The following ARIH2 variants were observed in gnomAD, a reference collection of about 807,000 sequenced individuals.
ARIH2 encodes ariadne RBR E3 ubiquitin protein ligase 2, also known as E3 ubiquitin-protein ligase ARIH2.
ARIH2 carries 12 observed loss-of-function variants against 79.8 expected under a neutral mutation model. That is an observed-to-expected ratio of 0.15 (90% confidence interval 0.10 to 0.24). The LOEUF is 0.24. Among genes scored for constraint, ARIH2 ranks in the 10% least tolerant of loss-of-function variants. The probability of loss-of-function intolerance (pLI) is 1.00; values close to 1 mark genes in which losing one functional copy is unlikely to be tolerated. For synonymous variants in ARIH2, 224 were observed against 213.9 expected (o/e 1.05, Z -0.41); for missense variants, 301 against 618.3 (o/e 0.49, Z 5.44).
chr3:48,949,828 T>A (rs971140836), intron 3 of ARIH2, among the ~76,000 whole-genome samples: 1 of 152,100 alleles, frequency 6.6e-6, no homozygotes, highest in Non-Finnish European at 1.5e-5. Flanking sequence ...CTTTTTTTTT[T>A]AATCTTTTTT....
intron 3 of ARIH2, among the ~76,000 whole-genome samples, chr3:48,941,312 G>A (rs2088179419): frequency 6.6e-6 from 1 of 152,154 alleles, no homozygotes; most frequent in African/African-American, 2.4e-5. Flanking sequence ...AAAAGTAACT[G>A]ATGGAGGAAC....
chr3:48,919,110 G>A, intron 1 of ARIH2, 112 bp downstream of exon 1: 4 of 1,283,112 alleles, frequency 3.1e-6, no homozygotes, highest in African/African-American at 1.5e-5. Context: ...TCGCCCGGGA[G>A]GCCCGGGCGC....
At position 48,961,685 on chromosome 3, in the gene ARIH2, G is replaced by A. The variant is rs1231704070; in HGVS notation, c.323+6G>A. 1 of 1,595,174 alleles carries A rather than the reference G, an allele frequency of 6.3e-7. No homozygotes were observed. Among genetic ancestry groups the A allele is most frequent in the Non-Finnish European group, 8.6e-7 (1 of 1,163,154 alleles). On this transcript the variant is annotated splice_donor_region_variant and intron_variant, in intron 4 of 15. Transcript: ENST00000356401. ...GTTTCAGAGATATTGGACAGGTAAG[G>A]TATTTGGGGGAGGAGAGAGAACATT... is the stretch of plus-strand genomic sequence containing the variant.
At chr3:48,954,956 G>A (rs751852383) in intron 3 of ARIH2, among the ~76,000 whole-genome samples, 2 of 152,188 alleles carry the variant, frequency 1.3e-5, no homozygotes, top group African/African-American at 4.8e-5. Flanking sequence ...CCCACACTTT[G>A]GGAGGCCGAG....
chr3:48,927,645 AGAC>A lies in ARIH2; in HGVS notation c.91_93del (p.Asp31del). 1 of 1,613,668 alleles carries A rather than the reference AGAC, an allele frequency of 6.2e-7. No individual in the cohort carries two copies. Among genetic ancestry groups the A allele is most frequent in the South Asian group, 1.1e-5 (1 of 91,044 alleles). On this transcript the variant is annotated inframe_deletion, in exon 3 of 16. Coordinates refer to ENST00000356401, the MANE Select transcript of ARIH2 (RefSeq NM_006321.4). Reference sequence around the variant, plus strand: ...GTGAGGAAGAGGAAGAAGAAGAAGAAGACGACCCTGGGGACATAGAGGACTATT... The same window carrying A: ...GTGAGGAAGAGGAAGAAGAAGAAGAAGACCCTGGGGACATAGAGGACTATT...
intron 1 of ARIH2, chr3:48,921,577 G>A (rs1379084019): frequency 1.3e-5 from 2 of 151,660 alleles, no homozygotes; most frequent in African/African-American, 4.9e-5. Context: ...GGGATTACAG[G>A]TATGCGCCAC....
chr3:48,972,846 C>T (rs934172004), intron 8 of ARIH2, among the ~76,000 whole-genome samples: 4 of 152,104 alleles, frequency 2.6e-5, no homozygotes, highest in Non-Finnish European at 4.4e-5. Context: ...TCTCTAGTAG[C>T]TGGGACTACA....
intron 3 of ARIH2, among the ~76,000 whole-genome samples, chr3:48,946,741 C>G (rs545961767): frequency 1.3e-5 from 2 of 152,156 alleles, no homozygotes; most frequent in African/African-American, 4.8e-5. Context: ...TAGCGTCTAA[C>G]CCATTGTGGT....
intron 2 of ARIH2, among the ~76,000 whole-genome samples, chr3:48,923,123 C>T (rs957159076): frequency 4.0e-5 from 6 of 151,304 alleles, no homozygotes; most frequent in African/African-American, 1.2e-4. Flanking sequence ...AGGAGAATGG[C>T]GTGAACCCGG....
chr3:48,923,218 A>AT (rs2085069367), intron 2 of ARIH2, among the ~76,000 whole-genome samples: 1 of 151,874 alleles, frequency 6.6e-6, no homozygotes, highest in African/African-American at 2.4e-5. Flanking sequence ...AAAAAAAAAA[A>AT]GAAACCTTAT....
At chr3:48,949,270 G>GT (rs2089639765) in intron 3 of ARIH2, among the ~76,000 whole-genome samples, 1 of 152,070 alleles carries the variant, frequency 6.6e-6, no homozygotes, top group Admixed American at 6.6e-5. Flanking sequence ...GGCGCCCGCC[G>GT]TGACGCCCGG....
intron 8 of ARIH2, 168 bp from the exon 9 acceptor site, chr3:48,973,531 C>T (rs2092352782): frequency 2.1e-6 from 1 of 485,034 alleles, no homozygotes; most frequent in African/African-American, 2.0e-5. Flanking sequence ...GAACCGAGAT[C>T]ACGCCACTAC....
At chr3:48,979,795 T>C (rs1319794414) in intron 12 of ARIH2, 162 bp downstream of exon 12, 8 of 728,088 alleles carry the variant, frequency 1.1e-5, no homozygotes, top group Non-Finnish European at 1.8e-5. Context: ...AGATGTGCCT[T>C]TCAAGCTCTA....
intron 3 of ARIH2, among the ~76,000 whole-genome samples, chr3:48,943,892 G>A (rs190643264): frequency 1.1e-4 from 16 of 152,272 alleles, no homozygotes; most frequent in African/African-American, 3.8e-4. Flanking sequence ...CAGTAGCTGA[G>A]ACATAGCATT....
At chr3:48,966,829 C>T (rs1341719831) in intron 5 of ARIH2, among the ~76,000 whole-genome samples, 2 of 152,182 alleles carry the variant, frequency 1.3e-5, no homozygotes, top group East Asian at 3.8e-4. Context: ...TTCTGAAACC[C>T]TGAGTTTTTC....
At chr3:48,952,496 C>T (rs1576348066) in intron 3 of ARIH2, among the ~76,000 whole-genome samples, 1 of 152,232 alleles carries the variant, frequency 6.6e-6, no homozygotes, top group Non-Finnish European at 1.5e-5. Context: ...GGAAGCTCAT[C>T]CTGAGGATGA....
intron 2 of ARIH2, among the ~76,000 whole-genome samples, chr3:48,926,329 G>A (rs966311317): frequency 1.1e-4 from 16 of 151,982 alleles, no homozygotes; most frequent in Admixed American, 3.3e-4. Context: ...GTGCAGTGGC[G>A]CAATCTCAGC....
chr3:48,948,979 T>G, intron 3 of ARIH2: 1 of 419,812 alleles, frequency 2.4e-6, no homozygotes, highest in Middle Eastern at 3.4e-4. Context: ...GGGTTGTTTC[T>G]AATTTTGGGC....
In ARIH2 at chr3:48,918,880, G is replaced by C; in HGVS notation, c.-280G>C. 6.2e-7 allele frequency: 1 copy of C among 1,607,996 alleles called. No individual in the cohort carries two copies. The highest frequency in any genetic ancestry group is 8.5e-7 in the Non-Finnish European group (1 of 1,178,968). ...CGACTCTTCTGGAGGAAGCAGCGCG[G>C]GCTTGACCGGCGTCGGCCCGCCGCC... is the stretch of plus-strand genomic sequence containing the variant. On this transcript the variant is annotated 5_prime_UTR_variant, in exon 1 of 16. Coordinates refer to ENST00000356401, the MANE Select transcript of ARIH2 (RefSeq NM_006321.4).
Sources: gnomAD v4.1 joint callset for allele counts (sites outside exome capture counted in the v4.1 genomes callset) on GRCh38, gnomAD v4.1.1 for gene constraint, MANE v1.5 for transcripts, NCBI Gene and HGNC (gene_info 2026-07-23, HGNC 2026-07-21) for gene names.